ACBD3: variants seen among roughly 807,000 people sequenced by gnomAD.
ACBD3 encodes the protein acyl-CoA binding domain containing 3.
Under a neutral mutation model 66.9 loss-of-function variants are expected in ACBD3, and 30 were observed. That is an observed-to-expected ratio of 0.45 (90% CI 0.34 to 0.61). ACBD3 has a LOEUF of 0.61. ACBD3 is among the 20% of genes least tolerant of loss of function. The pLI, the probability that ACBD3 is intolerant of heterozygous loss-of-function variation, is 0.02. For synonymous variants in ACBD3, 278 were observed against 259.8 expected (o/e 1.07, Z -0.68); for missense variants, 544 against 664.5 (o/e 0.82, Z 1.99).
At chr1:226,185,233 T>C (rs1487107132) in intron 1 of ACBD3, among the ~76,000 whole-genome samples, 4 of 152,192 alleles carry the variant, frequency 2.6e-5, no homozygotes, top group Non-Finnish European at 5.9e-5. Context: ...CATTGTGCAA[T>C]GACCACGAAT....
At chr1:226,154,861 ACTGAC>A (rs757858088) in intron 5 of ACBD3, 28 bp from the exon 6 acceptor site, 1 of 1,575,448 alleles carries the variant, frequency 6.3e-7, no homozygotes, top group South Asian at 1.2e-5. Flanking sequence ...GTGAAGACAC[ACTGAC>A]CAGGAAGGCT....
At chr1:226,170,333 ATTTTTTTTTTT>A (rs71574563) in intron 1 of ACBD3, among the ~76,000 whole-genome samples, 1 of 109,846 alleles carries the variant, frequency 9.1e-6, no homozygotes, top group South Asian at 3.0e-4. Context: ...AATTTTTTGA[ATTTTTTTTTTT>A]TTTTTTTTTT....
chr1:226,186,494 C>G lies in ACBD3; in HGVS notation c.182G>C (p.Gly61Ala), dbSNP rs1364657424. 5.4e-6 allele frequency: 8 copies of G among 1,485,556 alleles called. No homozygotes were observed. In the South Asian group the frequency reaches 1.0e-4, roughly 19 times the overall value. The allele number at this position is 1,485,556 out of a possible 1,614,324, so 92.0% of individuals were successfully genotyped here. A position where few individuals can be genotyped will look rare whatever the true frequency, so the allele number is the denominator to read the frequency against. Residue 61 changes from glycine to alanine, a missense_variant, in exon 1 of 8, where the codon GGG becomes GCG. By Grantham distance (60) the Gly-to-Ala change is moderately conservative (BLOSUM62 0). Transcript: ENST00000366812. ...PGASGEQPEP[G>A]EAAAGGAAEE... Reference sequence around the variant, plus strand: ...CGCCGCGCCCCCAGCCGCCGCCTCCCCGGGCTCGGGCTGCTCCCCTGAGGC... The same window carrying G: ...CGCCGCGCCCCCAGCCGCCGCCTCCGCGGGCTCGGGCTGCTCCCCTGAGGC...
At chr1:226,155,653 A>T (rs1255894996) in intron 5 of ACBD3, among the ~76,000 whole-genome samples, 1 of 152,204 alleles carries the variant, frequency 6.6e-6, no homozygotes, top group African/African-American at 2.4e-5. Context: ...GCAATAAAAA[A>T]ATCAAATATG....
chr1:226,168,290 A>T (rs1659912662), intron 1 of ACBD3, among the ~76,000 whole-genome samples: 3 of 152,188 alleles, frequency 2.0e-5, no homozygotes, highest in African/African-American at 4.8e-5. Flanking sequence ...AACCCCGGGT[A>T]TCTGAAAGAA....
At chr1:226,172,418 C>T (rs1655850791) in intron 1 of ACBD3, among the ~76,000 whole-genome samples, 1 of 152,082 alleles carries the variant, frequency 6.6e-6, no homozygotes, top group South Asian at 2.1e-4. Context: ...TTAAGAATTG[C>T]TCTATCGCCA....
intron 1 of ACBD3, among the ~76,000 whole-genome samples, chr1:226,168,341 C>T (rs1288158228): frequency 6.6e-6 from 1 of 152,098 alleles, no homozygotes; most frequent in Non-Finnish European, 1.5e-5. Context: ...TCCTGTATTT[C>T]AAAACTATAA....
At chr1:226,152,254 A>G in intron 7 of ACBD3, 81 bp downstream of exon 7, 1 of 1,533,948 alleles carries the variant, frequency 6.5e-7, no homozygotes, top group Admixed American at 1.8e-5. Context: ...AGGAAGCATA[A>G]GGCTGGGTGA....
At chr1:226,154,361 C>T (rs1421209222) in intron 6 of ACBD3, among the ~76,000 whole-genome samples, 2 of 151,918 alleles carry the variant, frequency 1.3e-5, no homozygotes, top group Non-Finnish European at 2.9e-5. Flanking sequence ...GTATGAGCCA[C>T]TGCGCCCAGC....
chr1:226,159,429 ATTACTTACTT>A, intron 4 of ACBD3, 71 bp from the exon 5 acceptor site: 2 of 1,466,538 alleles, frequency 1.4e-6, no homozygotes, highest in Non-Finnish European at 1.9e-6. Flanking sequence ...AAATGTCCTT[ATTACTTACTT>A]TTACAGTCTG....
At chr1:226,170,333 A>ATTT (rs71574563) in intron 1 of ACBD3, among the ~76,000 whole-genome samples, 30,796 of 109,570 alleles carry the variant, frequency 0.28, 5,715 homozygotes, top group African/African-American at 0.51. Flanking sequence ...AATTTTTTGA[A>ATTT]TTTTTTTTTT....
chr1:226,154,401 T>TTATA (rs140533924), intron 6 of ACBD3, among the ~76,000 whole-genome samples: 2 of 150,474 alleles, frequency 1.3e-5, no homozygotes, highest in Non-Finnish European at 3.0e-5. Context: ...AATAGATAAT[T>TTATA]TATATATATA....
At chr1:226,170,951 T>C (rs879686667) in intron 1 of ACBD3, among the ~76,000 whole-genome samples, 9 of 151,828 alleles carry the variant, frequency 5.9e-5, no homozygotes, top group Non-Finnish European at 1.2e-4. Flanking sequence ...AGTTAATTTT[T>C]GTGTTTTTGT....
chr1:226,186,380 C>T lies in ACBD3; in HGVS notation c.286+10G>A. On this transcript the variant is annotated intron_variant, in intron 1 of 7. Coordinates refer to ENST00000366812, the MANE Select transcript of ACBD3 (RefSeq NM_022735.4). ...GCAGAAGCGGCGGGGGTGGGGCTGG[C>T]CCGGCTCACCTTTGAAGAAGCGCAG... 2 of 1,511,790 alleles carry T rather than the reference C, an allele frequency of 1.3e-6. No individual in the cohort carries two copies. Among genetic ancestry groups the T allele is most frequent in the Admixed American group, 2.1e-5 (1 of 47,860 alleles). The allele number at this position is 1,511,790 out of a possible 1,614,324, so 93.6% of individuals were successfully genotyped here.
At chr1:226,161,038 A>C (rs1263771847) in intron 4 of ACBD3, among the ~76,000 whole-genome samples, 3 of 152,220 alleles carry the variant, frequency 2.0e-5, no homozygotes, top group Non-Finnish European at 4.4e-5. Context: ...CAGAGACATA[A>C]GCTGAGAGAA....
rs144057149 is a variant in ACBD3, at chr1:226,172,399, G to A, written c.287-6399C>T. Among the ~76,000 whole-genome samples, 524 of 152,066 alleles carry A rather than the reference G, an allele frequency of 3.4e-3. 1 individual carries two copies. The highest frequency in any genetic ancestry group is 6.3e-3 in the Admixed American group (96 of 15,254). On this transcript the variant is annotated intron_variant, in intron 1 of 7. Transcript: ENST00000366812. ...CATTCCCATTTACTCTTTTATGCACGTACTAGTTTTAAGAATTGCTCTATC... is the reference window on the plus strand; with the variant it reads ...CATTCCCATTTACTCTTTTATGCACATACTAGTTTTAAGAATTGCTCTATC...
chr1:226,171,726 T>C (rs1457545884), intron 1 of ACBD3, among the ~76,000 whole-genome samples: 1 of 145,624 alleles, frequency 6.9e-6, no homozygotes, highest in Non-Finnish European at 1.5e-5. Context: ...TTCACAGAGA[T>C]GGGGTTTCAC....
chr1:226,174,494 G>C (rs1473458749), intron 1 of ACBD3, among the ~76,000 whole-genome samples: 1 of 152,226 alleles, frequency 6.6e-6, no homozygotes, highest in Admixed American at 6.5e-5. Context: ...GCCAGGTGTG[G>C]TGGCTCACGC....
At chr1:226,174,086 T>A (rs988018446) in intron 1 of ACBD3, among the ~76,000 whole-genome samples, 1 of 152,114 alleles carries the variant, frequency 6.6e-6, no homozygotes, top group Non-Finnish European at 1.5e-5. Context: ...TTCTAAATTA[T>A]TTCTGGTACC....
Sources: gnomAD v4.1 joint callset for allele counts (sites outside exome capture counted in the v4.1 genomes callset) on GRCh38, gnomAD v4.1.1 for gene constraint, MANE v1.5 for transcripts, NCBI Gene and HGNC (gene_info 2026-07-23, HGNC 2026-07-21) for gene names.